PDCD10: variants seen among roughly 807,000 people sequenced by gnomAD.
The protein encoded by PDCD10 is programmed cell death protein 10.
PDCD10 carries 4 observed loss-of-function variants against 29.2 expected under a neutral mutation model. The observed-to-expected ratio is 0.14, with a 90% CI of 0.07 to 0.31. The LOEUF (loss-of-function observed/expected upper bound fraction) is 0.31, where lower values mean the gene tolerates loss of function less well. PDCD10 is among the 10% of genes least tolerant of loss of function. The pLI is 1.00. For missense variants in PDCD10, 183 were observed against 257.9 expected (o/e 0.71, Z 1.99); for synonymous variants, 70 against 82.2 (o/e 0.85, Z 0.80).
At chr3:167,727,711 T>C (rs1724356087) in intron 2 of PDCD10, among the ~76,000 whole-genome samples, 1 of 152,346 alleles carries the variant, frequency 6.6e-6, no homozygotes, top group East Asian at 1.9e-4. Flanking sequence ...AAAGAATCTG[T>C]ACCACCCTGG....
rs114734171 is a variant in PDCD10, at chr3:167,726,648, C to T, written c.-116-6375G>A. The stretch of plus-strand genomic sequence containing the variant: ...GTACTAACTGCATATAAAATAGTTA[C>T]TACAGTGGCTAACACATAATAACCA... On this transcript the variant is annotated intron_variant, in intron 2 of 8. Coordinates refer to ENST00000392750, the MANE Select transcript of PDCD10 (RefSeq NM_007217.4). Among the ~76,000 whole-genome samples, 563 of 152,256 alleles carry T rather than the reference C, an allele frequency of 3.7e-3. 2 individuals carry two copies. Among genetic ancestry groups the T allele is most frequent in the Middle Eastern group, 0.014 (4 of 294 alleles).
At chr3:167,712,338 T>C (rs1333957617) in intron 3 of PDCD10, among the ~76,000 whole-genome samples, 4 of 152,044 alleles carry the variant, frequency 2.6e-5, no homozygotes, top group Admixed American at 6.6e-5. Flanking sequence ...TAATGAAGTA[T>C]AGAGATTTTA....
chr3:167,704,756 A>C, intron 4 of PDCD10, 86 bp downstream of exon 4: 1 of 955,272 alleles, frequency 1.0e-6, no homozygotes, highest in Non-Finnish European at 1.7e-6. Context: ...TTTCCCTTAA[A>C]GAAAATAAAC....
intron 3 of PDCD10, among the ~76,000 whole-genome samples, chr3:167,709,587 A>G (rs1722326695): frequency 6.6e-6 from 1 of 152,206 alleles, no homozygotes; most frequent in Non-Finnish European, 1.5e-5. Context: ...AAGAGGTTGG[A>G]AATTGAGTAA....
intron 5 of PDCD10, among the ~76,000 whole-genome samples, chr3:167,696,325 T>G (rs181633128): frequency 6.6e-6 from 1 of 152,166 alleles, no homozygotes; most frequent in Non-Finnish European, 1.5e-5. Flanking sequence ...CATTGCAGAC[T>G]TGGAAGCATT....
chr3:167,701,897 G>A (rs578092719), intron 4 of PDCD10, among the ~76,000 whole-genome samples: 1 of 152,068 alleles, frequency 6.6e-6, no homozygotes, highest in Non-Finnish European at 1.5e-5. Flanking sequence ...TGTAGATATG[G>A]TTAAAAAAAA....
At position 167,683,466 on chromosome 3, in the gene PDCD10, C is replaced by A. The variant is rs1468796319; in HGVS notation, c.*842G>T. The A allele has an allele frequency of 6.6e-6, 1 of 151,868 alleles. No individual in the cohort carries two copies. The highest frequency in any genetic ancestry group is 6.6e-5 in the Admixed American group (1 of 15,242). The allele number at this position is 151,868 out of a possible 1,614,324, so 9.4% of individuals were successfully genotyped here. On this transcript the variant is annotated 3_prime_UTR_variant, in exon 9 of 9. Transcript: ENST00000392750. ...AATTTCAATCCAACCGTTGATATAG[C>A]TTCAAATTACTATTAATTGTGGCTA... is the stretch of plus-strand genomic sequence containing the variant.
intron 6 of PDCD10, among the ~76,000 whole-genome samples, chr3:167,688,427 T>C (rs1259085551): frequency 6.6e-6 from 1 of 152,120 alleles, no homozygotes; most frequent in Non-Finnish European, 1.5e-5. Flanking sequence ...CCTTTGACTA[T>C]ATATGCATCA....
At chr3:167,694,637 G>C (rs1028881921) in intron 6 of PDCD10, 1 of 152,618 alleles carries the variant, frequency 6.6e-6, no homozygotes, top group Admixed American at 6.5e-5. Context: ...GTCCTCTTGG[G>C]CATCCTGGAA....
intron 8 of PDCD10, 108 bp downstream of exon 8, chr3:167,687,126 G>A: frequency 1.6e-6 from 1 of 627,326 alleles, no homozygotes; most frequent in East Asian, 2.8e-5. Flanking sequence ...TCAGTTGCCT[G>A]GAGTACTAAT....
In PDCD10 at chr3:167,707,857, A is replaced by T. The variant is rs144884070; in HGVS notation, c.97-2962T>A. ...AGCACTGCTTGGGCCTCAGTTACACAGTATGTCCATGTAACCAGTAAAAGA... is the reference window on the plus strand; with the variant it reads ...AGCACTGCTTGGGCCTCAGTTACACTGTATGTCCATGTAACCAGTAAAAGA... On this transcript the variant is annotated intron_variant, in intron 3 of 8. Transcript: ENST00000392750. 2.3e-3 allele frequency among the ~76,000 whole-genome samples: 346 copies of T among 152,322 alleles called. 2 individuals carry two copies. Among genetic ancestry groups the T allele is most frequent in the African/African-American group, 7.8e-3 (323 of 41,574 alleles).
intron 3 of PDCD10, among the ~76,000 whole-genome samples, chr3:167,705,677 T>C (rs1459890653): frequency 6.6e-6 from 1 of 152,244 alleles, no homozygotes; most frequent in East Asian, 1.9e-4. Context: ...ATGAACCATT[T>C]AGCTTAATAT....
intron 2 of PDCD10, among the ~76,000 whole-genome samples, chr3:167,731,508 T>C (rs1221605419): frequency 8.5e-5 from 13 of 152,244 alleles, no homozygotes; most frequent in Non-Finnish European, 1.8e-4. Context: ...AAAGTTCTTA[T>C]ATACTTCAAT....
chr3:167,693,989 C>T (rs1720529878), intron 6 of PDCD10, among the ~76,000 whole-genome samples: 1 of 151,884 alleles, frequency 6.6e-6, no homozygotes. Context: ...ACTGCGACTC[C>T]ACTTTGCCAT....
intron 2 of PDCD10, among the ~76,000 whole-genome samples, chr3:167,726,123 T>G (rs1404772760): frequency 2.1e-5 from 3 of 141,314 alleles, no homozygotes; most frequent in Non-Finnish European, 3.1e-5. Context: ...TGTTTTTTTT[T>G]TTTTTTTTTT....
At chr3:167,697,422 TTA>T (rs1455359340) in intron 4 of PDCD10, among the ~76,000 whole-genome samples, 2 of 152,190 alleles carry the variant, frequency 1.3e-5, no homozygotes, top group African/African-American at 4.8e-5. Flanking sequence ...GAATTAAGGA[TTA>T]TATATGTTTT....
intron 3 of PDCD10, among the ~76,000 whole-genome samples, chr3:167,710,164 T>C (rs925074975): frequency 5.9e-5 from 9 of 152,064 alleles, no homozygotes; most frequent in African/African-American, 1.9e-4. Context: ...CCCAGCTCAC[T>C]GTGGTGGCTA....
At position 167,734,695 on chromosome 3, in the gene PDCD10, C is replaced by G. The variant is rs1017733363; in HGVS notation, c.-287G>C. The G allele has an allele frequency of 1.3e-5, 2 of 154,528 alleles. No individual in the cohort carries two copies. The highest frequency in any genetic ancestry group is 2.4e-5 in the African/African-American group (1 of 41,494). 9.6% of individuals were successfully genotyped at this position (154,528 alleles called of 1,614,324 possible). On this transcript the variant is annotated 5_prime_UTR_variant, in exon 1 of 9. Coordinates refer to ENST00000392750, the MANE Select transcript of PDCD10 (RefSeq NM_007217.4). ...GGCCCCGCTCTCAGCCCCGTCCGCT[C>G]CGCCTGCCAGAACCAAGCCCAAGTG...
chr3:167,699,270 T>C (rs1473754555), intron 4 of PDCD10, among the ~76,000 whole-genome samples: 1 of 152,194 alleles, frequency 6.6e-6, no homozygotes, highest in African/African-American at 2.4e-5. Context: ...CTAACACCAA[T>C]GAAAGCAGTG....
Sources: allele counts gnomAD v4.1 joint callset (sites outside exome capture counted in the v4.1 genomes callset), GRCh38; gene constraint gnomAD v4.1.1; transcripts MANE v1.5; gene names NCBI Gene and HGNC (gene_info 2026-07-23, HGNC 2026-07-21).